The following CHRM3 variants were observed in gnomAD, a reference collection of about 807,000 sequenced individuals.
CHRM3 encodes the protein muscarinic acetylcholine receptor M3.
In CHRM3, 11 loss-of-function variants were observed where a neutral mutation model predicts 41.8. The observed-to-expected ratio is 0.26, with a 90% CI of 0.17 to 0.44. CHRM3 has a LOEUF of 0.44. CHRM3 is among the 20% of genes least tolerant of loss of function. CHRM3 has a pLI of 1.00. For missense variants in CHRM3, 571 were observed against 745.4 expected (o/e 0.77, Z 2.72); for synonymous variants, 297 against 301.4 (o/e 0.99, Z 0.15).
chr1:239,598,270 A>T (rs1665049994), intron 3 of CHRM3, among the ~76,000 whole-genome samples: 1 of 152,038 alleles, frequency 6.6e-6, no homozygotes, highest in Non-Finnish European at 1.5e-5. Flanking sequence ...GAGGGGCTTA[A>T]ATCTGGATCT....
intron 1 of CHRM3, among the ~76,000 whole-genome samples, chr1:239,465,962 A>G (rs1422194971): frequency 6.6e-6 from 1 of 152,012 alleles, no homozygotes; most frequent in Non-Finnish European, 1.5e-5. Context: ...CAAGGATGAA[A>G]ACGTTTATGA....
intron 5 of CHRM3, among the ~76,000 whole-genome samples, chr1:239,798,289 A>G (rs1266605637): frequency 6.6e-6 from 1 of 152,152 alleles, no homozygotes; most frequent in East Asian, 1.9e-4. Flanking sequence ...TAGGCTATTC[A>G]TAGTTACGTT....
chr1:239,490,948 C>T (rs773412783), intron 1 of CHRM3, among the ~76,000 whole-genome samples: 49 of 152,020 alleles, frequency 3.2e-4, no homozygotes, highest in Non-Finnish European at 6.3e-4. Context: ...GCCATGTTGC[C>T]CAGGCTGGTC....
At chr1:239,475,256 G>A (rs1020823572) in intron 1 of CHRM3, among the ~76,000 whole-genome samples, 1 of 151,984 alleles carries the variant, frequency 6.6e-6, no homozygotes, top group Non-Finnish European at 1.5e-5. Context: ...AAGAAAATAA[G>A]AGCTATATTA....
At chr1:239,474,708 A>C (rs979684418) in intron 1 of CHRM3, among the ~76,000 whole-genome samples, 1 of 152,114 alleles carries the variant, frequency 6.6e-6, no homozygotes, top group Non-Finnish European at 1.5e-5. Context: ...AGTGTAGTGA[A>C]ACGAAACAAT....
rs140804899 is a variant in CHRM3, at chr1:239,479,246, A to C, written c.-520-13463A>C. 1.1e-3 allele frequency among the ~76,000 whole-genome samples: 170 copies of C among 152,086 alleles called. 1 individual carries two copies. Among genetic ancestry groups the C allele is most frequent in the Non-Finnish European group, 2.2e-3 (148 of 67,976 alleles). ...CACACACACAGAAAAACAGAGAGAC[A>C]GCAATCTACAGATCTAATAACTTCA... is the stretch of plus-strand genomic sequence containing the variant. On this transcript the variant is annotated intron_variant, in intron 1 of 6. Coordinates refer to ENST00000676153, the MANE Select transcript of CHRM3 (RefSeq NM_001375978.1).
intron 1 of CHRM3, among the ~76,000 whole-genome samples, chr1:239,464,789 T>C (rs952183180): frequency 6.6e-6 from 1 of 152,152 alleles, no homozygotes; most frequent in Admixed American, 6.5e-5. Flanking sequence ...AGCCACCCCA[T>C]AAAAAGTCTG....
At chr1:239,611,167 A>C (rs2148749645) in intron 3 of CHRM3, among the ~76,000 whole-genome samples, 1 of 152,270 alleles carries the variant, frequency 6.6e-6, no homozygotes, top group South Asian at 2.1e-4. Context: ...TAAATAAATA[A>C]ATTTGAGCTG....
intron 3 of CHRM3, among the ~76,000 whole-genome samples, chr1:239,579,948 C>T (rs554758749): frequency 6.6e-6 from 1 of 152,078 alleles, no homozygotes; most frequent in East Asian, 1.9e-4. Flanking sequence ...GGTCCTGCAG[C>T]TCACAGATGT....
At chr1:239,619,288 C>T (rs947661947) in intron 3 of CHRM3, among the ~76,000 whole-genome samples, 10 of 152,114 alleles carry the variant, frequency 6.6e-5, no homozygotes, top group Non-Finnish European at 8.8e-5. Context: ...TAACTTCAGG[C>T]TGTGCATGAA....
chr1:239,878,520 C>T (rs1677310647), intron 6 of CHRM3, among the ~76,000 whole-genome samples: 1 of 152,064 alleles, frequency 6.6e-6, no homozygotes, highest in Admixed American at 6.6e-5. Flanking sequence ...TCCTAACAGG[C>T]CACAGACTGG....
In CHRM3 at chr1:239,693,590, T is replaced by C. The variant is rs575568613; in HGVS notation, c.-147+15302T>C. Among the ~76,000 whole-genome samples the C allele has an allele frequency of 6.6e-5, 10 of 152,324 alleles. No individual in the cohort carries two copies. The South Asian group carries it at 2.1e-3, about 32-fold the overall frequency. Reference sequence around the variant, plus strand: ...AGGCAAGTTTGCTTCTTGACTGTCATAATTATATTATTTTTGAATTGGTTT... The same window carrying C: ...AGGCAAGTTTGCTTCTTGACTGTCACAATTATATTATTTTTGAATTGGTTT... On this transcript the variant is annotated intron_variant, in intron 5 of 6. Transcript: ENST00000676153.
chr1:239,860,110 T>C (rs1347576286), intron 6 of CHRM3, among the ~76,000 whole-genome samples: 2 of 152,062 alleles, frequency 1.3e-5, no homozygotes, highest in Non-Finnish European at 2.9e-5. Context: ...CCTAAAAAAT[T>C]GGCAGATGAT....
At chr1:239,489,426 T>C (rs188656875) in intron 1 of CHRM3, among the ~76,000 whole-genome samples, 4 of 151,018 alleles carry the variant, frequency 2.6e-5, no homozygotes, top group East Asian at 2.0e-4. Context: ...AAAAAAAAAA[T>C]TGGGGGTCAG....
At chr1:239,542,316 C>G (rs1205287954) in intron 2 of CHRM3, among the ~76,000 whole-genome samples, 2 of 151,934 alleles carry the variant, frequency 1.3e-5, no homozygotes, top group African/African-American at 4.8e-5. Context: ...TAGCAGTTTA[C>G]CAGATAAATA....
intron 6 of CHRM3, among the ~76,000 whole-genome samples, chr1:239,895,061 G>GA (rs1448754583): frequency 6.6e-6 from 1 of 152,204 alleles, no homozygotes; most frequent in East Asian, 1.9e-4. Flanking sequence ...CTTTTCCTCA[G>GA]AAAAATCTAG....
chr1:239,728,591 G>A (rs755982584), intron 5 of CHRM3, among the ~76,000 whole-genome samples: 15 of 151,978 alleles, frequency 9.9e-5, no homozygotes, highest in Non-Finnish European at 2.1e-4. Flanking sequence ...CAATTGACAA[G>A]TCTCTATAAA....
chr1:239,638,776 C>T (rs555622222), intron 4 of CHRM3, among the ~76,000 whole-genome samples: 2 of 152,258 alleles, frequency 1.3e-5, no homozygotes, highest in East Asian at 3.9e-4. Context: ...AATTAGATCC[C>T]ATTTGTCAAT....
At chr1:239,823,157 C>T (rs11585990) in intron 5 of CHRM3, among the ~76,000 whole-genome samples, 35,624 of 152,104 alleles carry the variant, frequency 0.23, 4,261 homozygotes, top group East Asian at 0.33. Context: ...GCATTTTATA[C>T]ATTTTAAATT....
Sources: allele counts gnomAD v4.1 joint callset (sites outside exome capture counted in the v4.1 genomes callset), GRCh38; gene constraint gnomAD v4.1.1; transcripts MANE v1.5; gene names NCBI Gene and HGNC (gene_info 2026-07-23, HGNC 2026-07-21).